RAB30: variants seen among roughly 807,000 people sequenced by gnomAD.
RAB30 encodes ras-related protein Rab-30.
A neutral mutation model predicts 25.1 loss-of-function variants in RAB30; 9 were observed. The observed-to-expected ratio is 0.36, with a 90% CI of 0.22 to 0.63. The LOEUF (loss-of-function observed/expected upper bound fraction) is 0.63, where lower values mean the gene tolerates loss of function less well. Ranked by LOEUF, RAB30 falls within the 20% of genes least tolerant of loss-of-function variation. The probability of loss-of-function intolerance (pLI) is 0.69; values close to 1 mark genes in which losing one functional copy is unlikely to be tolerated. For missense variants in RAB30, 140 were observed against 243.5 expected, an observed-to-expected ratio of 0.58 and a Z score of 2.83; for synonymous variants, 77 against 86.4, an observed-to-expected ratio of 0.89 and a Z score of 0.60.
intron 1 of RAB30, among the ~76,000 whole-genome samples, chr11:82,999,836 C>A (rs978553640): frequency 2.0e-5 from 3 of 152,074 alleles, no homozygotes; most frequent in Admixed American, 1.3e-4. Flanking sequence ...CTGCTCTAGG[C>A]TCCCACAATG....
intron 2 of RAB30, among the ~76,000 whole-genome samples, chr11:82,995,956 T>C (rs1278697814): frequency 6.6e-6 from 1 of 152,254 alleles, no homozygotes; most frequent in Non-Finnish European, 1.5e-5. Context: ...ATAAAGGGAC[T>C]GAAAACTTTA....
intron 1 of RAB30, among the ~76,000 whole-genome samples, chr11:83,029,370 C>G (rs114205898): frequency 6.6e-6 from 1 of 151,824 alleles, no homozygotes; most frequent in Non-Finnish European, 1.5e-5. Context: ...CCTTTCCCCC[C>G]CTATTTTTTT....
At chr11:82,985,714 C>CTTTT (rs60932116) in intron 4 of RAB30, among the ~76,000 whole-genome samples, 1 of 128,922 alleles carries the variant, frequency 7.8e-6, no homozygotes, top group Non-Finnish European at 1.7e-5. Context: ...CCTTACTTGG[C>CTTTT]TTTTTTTTTT....
chr11:83,049,106 T>C (rs988480426), intron 1 of RAB30, among the ~76,000 whole-genome samples: 6 of 152,228 alleles, frequency 3.9e-5, no homozygotes, highest in Non-Finnish European at 7.3e-5. Flanking sequence ...CCTTGCAAAC[T>C]ATTTATTAAT....
intron 3 of RAB30, among the ~76,000 whole-genome samples, chr11:82,989,728 GAGC>G (rs1274385334): frequency 2.0e-5 from 3 of 152,230 alleles, no homozygotes; most frequent in Admixed American, 1.3e-4. Flanking sequence ...GCGATTGTAT[GAGC>G]ATGCCAAGAT....
Position 82,973,783 on chromosome 11 carries a change from T to C in RAB30, c.*8382A>G, listed in dbSNP as rs1590825717. The C allele has an allele frequency of 6.6e-6, 1 of 152,240 alleles. No homozygotes were observed. The highest frequency in any genetic ancestry group is 1.9e-4 in the East Asian group (1 of 5,192). The allele number at this position is 152,240 out of a possible 1,614,324, so 9.4% of individuals were successfully genotyped here. On this transcript the variant is annotated 3_prime_UTR_variant, in exon 5 of 5. Transcript: ENST00000527633. The stretch of plus-strand genomic sequence containing the variant: ...TGTTTTTAAGAGAGATGTGAAAACA[T>C]ACACCCATACAAAAAACTTTTACAT...
intron 1 of RAB30, among the ~76,000 whole-genome samples, chr11:83,009,119 A>C (rs1017331081): frequency 2.6e-5 from 4 of 151,646 alleles, no homozygotes; most frequent in African/African-American, 9.7e-5. Flanking sequence ...CCCAGGCTGA[A>C]GTACAATGGT....
At chr11:82,992,186 G>A (rs1036811961) in intron 3 of RAB30, 4 of 380,580 alleles carry the variant, frequency 1.1e-5, no homozygotes, top group Non-Finnish European at 2.2e-5. Context: ...GCTACAAAAG[G>A]CTCCTCCCAT....
In RAB30 at chr11:83,037,663, C is replaced by T. The variant is rs566556313; in HGVS notation, c.-9+34028G>A. On this transcript the variant is annotated intron_variant, in intron 1 of 4. Coordinates refer to ENST00000527633, the MANE Select transcript of RAB30 (RefSeq NM_001286060.2). ...AACAACTGGGTAGAGAGTGGTACCA[C>T]GTATTAAGAGAGACTGGAGGAGAAG... Among the ~76,000 whole-genome samples the T allele has an allele frequency of 6.8e-4, 104 of 151,952 alleles. No homozygotes were observed. The South Asian group carries it at 0.021, about 30-fold the overall frequency.
intron 1 of RAB30, among the ~76,000 whole-genome samples, chr11:83,063,630 AC>A (rs1168837332): frequency 6.6e-6 from 1 of 152,110 alleles, no homozygotes; most frequent in Non-Finnish European, 1.5e-5. Context: ...CGTTCTGTTC[AC>A]CCTTCGCAAC....
chr11:83,024,249 CTT>C (rs1353312593), intron 1 of RAB30, among the ~76,000 whole-genome samples: 1 of 152,216 alleles, frequency 6.6e-6, no homozygotes, highest in Non-Finnish European at 1.5e-5. Context: ...GTCAGCATCT[CTT>C]GTTTTTCGCT....
intron 1 of RAB30, among the ~76,000 whole-genome samples, chr11:83,043,210 C>T (rs963953322): frequency 6.6e-6 from 1 of 152,196 alleles, no homozygotes; most frequent in African/African-American, 2.4e-5. Flanking sequence ...TTAGAACCTT[C>T]CCATAAGCCA....
At chr11:83,062,897 G>T (rs1290164255) in intron 1 of RAB30, among the ~76,000 whole-genome samples, 1 of 151,678 alleles carries the variant, frequency 6.6e-6, no homozygotes, top group African/African-American at 2.4e-5. Context: ...CAGCTGCTCG[G>T]TAGGCTGAGG....
In RAB30 at chr11:82,979,317, A is replaced by G. The variant is rs1467380687; in HGVS notation, c.*2848T>C. 1 of 152,234 alleles carries G rather than the reference A, an allele frequency of 6.6e-6. No homozygotes were observed. The highest frequency in any genetic ancestry group is 1.5e-5 in the Non-Finnish European group (1 of 68,046). The allele number at this position is 152,234 out of a possible 1,614,324, so 9.4% of individuals were successfully genotyped here. On this transcript the variant is annotated 3_prime_UTR_variant, in exon 5 of 5. Transcript: ENST00000527633. ...ATTGAATGAAGAAAAAGATCACACC[A>G]AAAATGGAGGAATACATCAACCCTG...
chr11:82,985,314 A>G (rs770131983), intron 4 of RAB30, among the ~76,000 whole-genome samples: 33 of 152,328 alleles, frequency 2.2e-4, no homozygotes, highest in Non-Finnish European at 3.7e-4. Context: ...ACAAATATAA[A>G]CAGATGTCAA....
intron 1 of RAB30, among the ~76,000 whole-genome samples, chr11:83,025,797 A>T (rs1193482192): frequency 6.6e-6 from 1 of 152,226 alleles, no homozygotes; most frequent in African/African-American, 2.4e-5. Flanking sequence ...AAAATAAGGA[A>T]AAACTCCTCT....
At chr11:83,062,947 G>T (rs1858615891) in intron 1 of RAB30, among the ~76,000 whole-genome samples, 1 of 149,988 alleles carries the variant, frequency 6.7e-6, no homozygotes, top group African/African-American at 2.5e-5. Flanking sequence ...AGGTTGCAGT[G>T]AGCCAAGATT....
intron 1 of RAB30, among the ~76,000 whole-genome samples, chr11:83,006,214 G>A (rs1403845262): frequency 6.6e-6 from 1 of 152,064 alleles, no homozygotes; most frequent in Non-Finnish European, 1.5e-5. Flanking sequence ...CCCAGCAATT[G>A]CACTTCTAGG....
intron 1 of RAB30, among the ~76,000 whole-genome samples, chr11:83,042,423 G>A (rs1038650141): frequency 7.9e-5 from 12 of 151,842 alleles, no homozygotes; most frequent in Non-Finnish European, 1.5e-5. Context: ...TGGGTGTGGC[G>A]GCACACACCT....
Sources: allele counts gnomAD v4.1 joint callset (sites outside exome capture counted in the v4.1 genomes callset), GRCh38; gene constraint gnomAD v4.1.1; transcripts MANE v1.5; gene names NCBI Gene and HGNC (gene_info 2026-07-23, HGNC 2026-07-21).